The following SEC24A variants were observed in gnomAD, a reference collection of about 807,000 sequenced individuals.
SEC24A encodes the protein protein transport protein Sec24A.
In SEC24A, 93 loss-of-function variants were observed where a neutral mutation model predicts 129.4. The ratio of observed to expected loss-of-function variants is 0.72; its 90% confidence interval spans 0.61 to 0.85. The LOEUF (loss-of-function observed/expected upper bound fraction) is 0.85, where lower values mean the gene tolerates loss of function less well. Among genes scored for constraint, SEC24A ranks in the 40% least tolerant of loss-of-function variants. The probability of loss-of-function intolerance (pLI) is 0.00; values close to 1 mark genes in which losing one functional copy is unlikely to be tolerated. For synonymous variants in SEC24A, 460 were observed against 467.3 expected (o/e 0.98, Z 0.20); for missense variants, 1,264 against 1,307.4 (o/e 0.97, Z 0.51).
chr5:134,680,126 A>G (rs73295483), intron 8 of SEC24A, among the ~76,000 whole-genome samples: 7,418 of 152,194 alleles, frequency 0.049, 313 homozygotes, highest in African/African-American at 0.12. Context: ...AATGAAGGGA[A>G]GTAGGCAGTG....
intron 8 of SEC24A, among the ~76,000 whole-genome samples, chr5:134,681,442 TTGTGTGTGTGTGTGTG>T (rs34487329): frequency 3.5e-5 from 5 of 143,698 alleles, no homozygotes; most frequent in African/African-American, 7.6e-5. Flanking sequence ...GTTTTATTGT[TTGTGTGTGTGTGTGTG>T]TGTGTGTGTG....
At chr5:134,656,458 TC>T (rs754724048) in intron 1 of SEC24A, among the ~76,000 whole-genome samples, 81 of 152,016 alleles carry the variant, frequency 5.3e-4, no homozygotes, top group Non-Finnish European at 7.5e-4. Flanking sequence ...AAATAACTCT[TC>T]GATCTCTCTT....
intron 18 of SEC24A, 126 bp from the exon 19 acceptor site, chr5:134,714,897 TA>T: frequency 1.1e-6 from 1 of 943,462 alleles, no homozygotes; most frequent in Non-Finnish European, 1.6e-6. Context: ...AAAGATACTT[TA>T]AAAAAATTAA....
intron 2 of SEC24A, among the ~76,000 whole-genome samples, chr5:134,665,944 A>G (rs1317567893): frequency 6.6e-6 from 1 of 152,316 alleles, no homozygotes; most frequent in African/African-American, 2.4e-5. Context: ...TTGTACTAGA[A>G]TATGACACAT....
intron 15 of SEC24A, among the ~76,000 whole-genome samples, chr5:134,699,301 C>CTTTTTTTTT (rs1208203003): frequency 0.018 from 2,443 of 138,206 alleles, 52 homozygotes; most frequent in African/African-American, 0.039. Flanking sequence ...CCATTTTATC[C>CTTTTTTTTT]TTTTTTTTTT....
At position 134,648,998 on chromosome 5, in the gene SEC24A, C is replaced by A. The variant is rs1749953446; in HGVS notation, c.-79C>A. On this transcript the variant is annotated 5_prime_UTR_variant, in exon 1 of 23. Transcript: ENST00000398844. ...GTCTTAAGTCGTTAGCCTCCTCCCT[C>A]CGCTTTCAGCAGTGGTCTTTCAGCT... 1 of 1,054,070 alleles carries A rather than the reference C, an allele frequency of 9.5e-7. No homozygotes were observed. The highest frequency in any genetic ancestry group is 1.6e-5 in the African/African-American group (1 of 62,796). 65.3% of individuals were successfully genotyped at this position (1,054,070 alleles called of 1,614,324 possible). A position where few individuals can be genotyped will look rare whatever the true frequency, so the allele number is the denominator to read the frequency against.
At chr5:134,689,103 A>G (rs1328303456) in intron 11 of SEC24A, among the ~76,000 whole-genome samples, 5 of 152,188 alleles carry the variant, frequency 3.3e-5, no homozygotes, top group Non-Finnish European at 4.4e-5. Context: ...ACTTTATACC[A>G]TGTAAAGAAA....
At chr5:134,704,000 G>T in intron 16 of SEC24A, 68 bp downstream of exon 16, 1 of 1,090,322 alleles carries the variant, frequency 9.2e-7, no homozygotes, top group South Asian at 1.6e-5. Context: ...TGTCAAAATG[G>T]GCTATAAAAT....
chr5:134,708,466 G>A (rs1752228278), intron 17 of SEC24A, among the ~76,000 whole-genome samples: 1 of 152,164 alleles, frequency 6.6e-6, no homozygotes, highest in Non-Finnish European at 1.5e-5. Flanking sequence ...CATAACTGAG[G>A]CTCAGGAAGG....
intron 16 of SEC24A, among the ~76,000 whole-genome samples, chr5:134,705,070 T>TTATATTTATATA (rs1554141295): frequency 7.5e-6 from 1 of 133,350 alleles, no homozygotes; most frequent in African/African-American, 2.8e-5. Flanking sequence ...ATATTTATAT[T>TTATATTTATATA]TATATATATA....
chr5:134,656,534 TG>T (rs1750251283), intron 1 of SEC24A, among the ~76,000 whole-genome samples: 1 of 152,060 alleles, frequency 6.6e-6, no homozygotes, highest in Non-Finnish European at 1.5e-5. Flanking sequence ...CAGGCTGGAG[TG>T]CAGTGGCACG....
intron 1 of SEC24A, among the ~76,000 whole-genome samples, chr5:134,656,121 T>C (rs1420948281): frequency 1.3e-5 from 2 of 151,478 alleles, no homozygotes; most frequent in African/African-American, 4.9e-5. Flanking sequence ...CTTGCTCTGT[T>C]GCCCAGGCTG....
At chr5:134,719,742 T>C (rs1308088349) in intron 20 of SEC24A, among the ~76,000 whole-genome samples, 2 of 151,804 alleles carry the variant, frequency 1.3e-5, no homozygotes, top group Admixed American at 1.3e-4. Context: ...TCCCAGCACT[T>C]AGAGATGCCA....
chr5:134,712,668 G>C (rs1752361698), intron 18 of SEC24A, among the ~76,000 whole-genome samples: 1 of 151,850 alleles, frequency 6.6e-6, no homozygotes, highest in South Asian at 2.1e-4. Flanking sequence ...GCCCAGGCTG[G>C]AGTGCAGTGG....
At chr5:134,676,935 T>C (rs1340707538) in intron 7 of SEC24A, among the ~76,000 whole-genome samples, 2 of 152,064 alleles carry the variant, frequency 1.3e-5, no homozygotes, top group South Asian at 2.1e-4. Flanking sequence ...TGCTGGAAAA[T>C]TCAAAAAGTA....
intron 17 of SEC24A, among the ~76,000 whole-genome samples, chr5:134,706,165 G>A (rs1212502539): frequency 6.6e-6 from 1 of 152,156 alleles, no homozygotes; most frequent in Non-Finnish European, 1.5e-5. Flanking sequence ...GGGATTACAG[G>A]CGTGAGCCAC....
chr5:134,703,534 C>T (rs1344208442), intron 15 of SEC24A, among the ~76,000 whole-genome samples: 1 of 152,150 alleles, frequency 6.6e-6, no homozygotes, highest in Non-Finnish European at 1.5e-5. Flanking sequence ...TCCCAAAGTG[C>T]TGGGATTACA....
chr5:134,723,066 A>C (rs1752667817), intron 21 of SEC24A, among the ~76,000 whole-genome samples: 1 of 152,130 alleles, frequency 6.6e-6, no homozygotes, highest in Non-Finnish European at 1.5e-5. Flanking sequence ...AGGTGAGAGA[A>C]TCACTTGAGC....
rs1752789068 is a variant in SEC24A, at chr5:134,727,721, G to A, written c.*2627G>A. ...TCAAATATGTATTGATCTTCAATGT[G>A]CTGTGTTAAATCTTGCTTCTCTGAA... On this transcript the variant is annotated 3_prime_UTR_variant, in exon 23 of 23. Coordinates refer to ENST00000398844, the MANE Select transcript of SEC24A (RefSeq NM_021982.3). 1 of 152,014 alleles carries A rather than the reference G, an allele frequency of 6.6e-6. No homozygotes were observed. The highest frequency in any genetic ancestry group is 1.9e-4 in the East Asian group (1 of 5,166). 9.4% of individuals were successfully genotyped at this position (152,014 alleles called of 1,614,324 possible). A position where few individuals can be genotyped will look rare whatever the true frequency, so the allele number is the denominator to read the frequency against.
Sources: allele counts gnomAD v4.1 joint callset (sites outside exome capture counted in the v4.1 genomes callset), GRCh38; gene constraint gnomAD v4.1.1; transcripts MANE v1.5; gene names NCBI Gene and HGNC (gene_info 2026-07-23, HGNC 2026-07-21).